CD96: variants seen among roughly 807,000 people sequenced by gnomAD.
The protein encoded by CD96 is T-cell surface protein tactile.
In CD96, 70 loss-of-function variants were observed where a neutral mutation model predicts 71.3. The ratio of observed to expected loss-of-function variants is 0.98; its 90% confidence interval spans 0.81 to 1.20. The LOEUF (loss-of-function observed/expected upper bound fraction) is 1.20, where lower values mean the gene tolerates loss of function less well. CD96 is among the 50% of genes most tolerant of loss of function. The pLI, the probability that CD96 is intolerant of heterozygous loss-of-function variation, is 0.00. For synonymous variants in CD96, 248 were observed against 233.0 expected, an observed-to-expected ratio of 1.06 and a Z score of -0.59; for missense variants, 742 against 677.5, an observed-to-expected ratio of 1.10 and a Z score of -1.06.
At chr3:111,635,978 T>A (rs1399945291) in intron 10 of CD96, among the ~76,000 whole-genome samples, 1 of 152,194 alleles carries the variant, frequency 6.6e-6, no homozygotes, top group Admixed American at 6.5e-5. Context: ...TCTTTGGAAA[T>A]CAAATTCCGG....
Position 111,545,166 on chromosome 3 carries a change from T to G in CD96, c.182T>G (p.Val61Gly). The part of the protein sequence containing the change: ...GFFVQMQWSK[V>G]TNKIDLIAVY... The stretch of plus-strand genomic sequence containing the variant: ...TTCGTGCAGATGCAATGGTCCAAGG[T>G]CACCAATAAGATAGACCTGATTGCT... Residue 61 changes from valine (V) to glycine (G), a missense_variant, in exon 2 of 14, where the codon GTC becomes GGC. Physicochemically the swap from Val to Gly is moderately radical, Grantham distance 109. Coordinates refer to ENST00000352690, the MANE Select transcript of CD96 (RefSeq NM_005816.5). The G allele has an allele frequency of 6.2e-7, 1 of 1,614,158 alleles. No individual in the cohort carries two copies. Among genetic ancestry groups the G allele is most frequent in the Non-Finnish European group, 8.5e-7 (1 of 1,180,012 alleles).
chr3:111,567,452 T>A, intron 2 of CD96, 71 bp from the exon 3 acceptor site: 2 of 1,309,842 alleles, frequency 1.5e-6, no homozygotes, highest in Non-Finnish European at 2.2e-6. Context: ...ACTGTTTTTG[T>A]CTCTTTGATA....
intron 6 of CD96, 31 bp downstream of exon 6, chr3:111,598,241 G>A (rs758012622): frequency 2.7e-5 from 24 of 903,728 alleles, no homozygotes; most frequent in South Asian, 1.4e-4. Flanking sequence ...AAATAAGTTC[G>A]GTACAAAAAG....
At chr3:111,637,065 G>A (rs1939363068) in intron 10 of CD96, 131 bp from the exon 11 acceptor site, 3 of 695,622 alleles carry the variant, frequency 4.3e-6, no homozygotes, top group Non-Finnish European at 7.9e-6. Context: ...TGTATGCTAT[G>A]GAACAGTTTA....
intron 5 of CD96, among the ~76,000 whole-genome samples, chr3:111,591,620 T>C (rs1328376917): frequency 6.6e-6 from 1 of 152,094 alleles, no homozygotes; most frequent in African/African-American, 2.4e-5. Flanking sequence ...TTTTGCAACA[T>C]AATAAGGTTC....
intron 1 of CD96, 105 bp downstream of exon 1, chr3:111,542,414 A>ACTGCTGAAATTGATCACC (rs58224057): frequency 7.3e-6 from 6 of 818,988 alleles, no homozygotes; most frequent in East Asian, 2.5e-5. Context: ...ATTGATCACC[A>ACTGCTGAAATTGATCACC]AAGGACAAAT....
intron 3 of CD96, among the ~76,000 whole-genome samples, chr3:111,574,751 CTATTTAAAAATTA>C (rs1473338761): frequency 1.3e-5 from 2 of 151,428 alleles, no homozygotes; most frequent in Non-Finnish European, 2.9e-5. Flanking sequence ...TGCAAAAAAT[CTATTTAAAAATTA>C]TATTTAAAAA....
At chr3:111,611,716 A>C (rs1226369766) in intron 8 of CD96, among the ~76,000 whole-genome samples, 1 of 152,212 alleles carries the variant, frequency 6.6e-6, no homozygotes, top group African/African-American at 2.4e-5. Flanking sequence ...ATACTGACTC[A>C]GGTGGAAGAA....
At chr3:111,552,293 G>A (rs1934753447) in intron 2 of CD96, among the ~76,000 whole-genome samples, 1 of 151,926 alleles carries the variant, frequency 6.6e-6, no homozygotes, top group Non-Finnish European at 1.5e-5. Context: ...TTTTCTCTCT[G>A]TGGCTCTTCT....
intron 1 of CD96, among the ~76,000 whole-genome samples, chr3:111,543,627 G>C (rs959480061): frequency 8.5e-5 from 13 of 152,210 alleles, no homozygotes; most frequent in African/African-American, 3.1e-4. Flanking sequence ...TTAACATTAA[G>C]TATAGGTTAC....
chr3:111,599,520 G>A (rs1180963016), intron 6 of CD96, among the ~76,000 whole-genome samples: 2 of 152,010 alleles, frequency 1.3e-5, no homozygotes, highest in African/African-American at 4.8e-5. Context: ...AGGAGTTCGA[G>A]ACCAGCCTAA....
chr3:111,634,175 T>C (rs544749494), intron 10 of CD96: 2 of 152,676 alleles, frequency 1.3e-5, no homozygotes, highest in South Asian at 4.1e-4. Context: ...CACAGGTGAA[T>C]GTCAAAGAGG....
rs531160081 is a variant in CD96 at position 111,664,510 on chromosome 3, G to T, written c.*53-1017G>T. On this transcript the variant is annotated intron_variant and NMD_transcript_variant, in intron 14 of 14. Coordinates refer to the CD96 transcript ENST00000494798. ...ACAATGGACAATGTGGACTACTAGA[G>T]CATAAAGGGAAGGAGGAAGGCATGG... Among the ~76,000 whole-genome samples, 177 of 152,270 alleles carry T rather than the reference G, an allele frequency of 1.2e-3. 1 individual carries two copies. The South Asian group carries it at 0.036, about 31-fold the overall frequency.
chr3:111,580,256 ATC>A (rs1287555976), intron 4 of CD96, among the ~76,000 whole-genome samples: 3 of 152,198 alleles, frequency 2.0e-5, no homozygotes, highest in Non-Finnish European at 4.4e-5. Flanking sequence ...AATGCAGACT[ATC>A]TGCAGCGTGC....
intron 3 of CD96, among the ~76,000 whole-genome samples, chr3:111,576,913 A>ACT (rs1266838015): frequency 6.6e-6 from 1 of 152,162 alleles, no homozygotes; most frequent in Non-Finnish European, 1.5e-5. Flanking sequence ...AGTTCTTGCT[A>ACT]CTGCCCCCTT....
intron 12 of CD96, among the ~76,000 whole-genome samples, chr3:111,639,084 C>T (rs1355005877): frequency 1.3e-5 from 2 of 152,194 alleles, no homozygotes; most frequent in Non-Finnish European, 2.9e-5. Flanking sequence ...CATGCAGAGT[C>T]TTCATTGTGA....
At chr3:111,581,278 GGA>G (rs1183830574) in intron 4 of CD96, among the ~76,000 whole-genome samples, 1 of 151,996 alleles carries the variant, frequency 6.6e-6, no homozygotes, top group Non-Finnish European at 1.5e-5. Flanking sequence ...GTGTTTGGGT[GGA>G]GTCTCATCCA....
Position 111,624,407 on chromosome 3 carries a change from T to A in CD96, c.1321+3T>A. Reference sequence around the variant, plus strand: ...CAGTGGGACAGATACCAAAAAATGTTAAGTATAATCGTGGGTCCCTTGAGT... The same window carrying A: ...CAGTGGGACAGATACCAAAAAATGTAAAGTATAATCGTGGGTCCCTTGAGT... On this transcript the variant is annotated splice_donor_region_variant and intron_variant, in intron 10 of 13. Transcript: ENST00000352690. The A allele has an allele frequency of 1.3e-6, 2 of 1,587,174 alleles. No individual in the cohort carries two copies.
intron 1 of CD96, among the ~76,000 whole-genome samples, chr3:111,542,527 G>T (rs1934155196): frequency 6.6e-6 from 1 of 152,128 alleles, no homozygotes; most frequent in African/African-American, 2.4e-5. Context: ...AAGGGAATGG[G>T]TCATTTGTGC....
Sources: gnomAD v4.1 joint callset for allele counts (sites outside exome capture counted in the v4.1 genomes callset) on GRCh38, gnomAD v4.1.1 for gene constraint, MANE v1.5 for transcripts, NCBI Gene and HGNC (gene_info 2026-07-23, HGNC 2026-07-21) for gene names.